DLST: variants seen among roughly 807,000 people sequenced by gnomAD.
DLST encodes dihydrolipoamide S-succinyltransferase.
Under a neutral mutation model 53.1 loss-of-function variants are expected in DLST, and 17 were observed. That is an observed-to-expected ratio of 0.32 (90% CI 0.22 to 0.48). The LOEUF is 0.48. Among genes scored for constraint, DLST ranks in the 20% least tolerant of loss-of-function variants. The pLI, the probability that DLST is intolerant of heterozygous loss-of-function variation, is 0.99. For synonymous variants in DLST, 206 were observed against 204.8 expected (o/e 1.01, Z -0.05); for missense variants, 512 against 583.9 (o/e 0.88, Z 1.27).
At chr14:74,887,703 T>C (rs1883755824) in intron 3 of DLST, among the ~76,000 whole-genome samples, 1 of 152,226 alleles carries the variant, frequency 6.6e-6, no homozygotes, top group South Asian at 2.1e-4. Flanking sequence ...TCCGGGTTCC[T>C]GGATGACTTG....
At position 74,889,365 on chromosome 14, in the gene DLST, CTAT is replaced by C. The variant is rs771776423; in HGVS notation, c.274+18_274+20del. The C allele has an allele frequency of 1.4e-5, 20 of 1,425,936 alleles. No individual in the cohort carries two copies. The highest frequency in any genetic ancestry group is 2.4e-5 in the East Asian group (1 of 41,804). The allele number at this position is 1,425,936 out of a possible 1,614,324, so 88.3% of individuals were successfully genotyped here. The stretch of plus-strand genomic sequence containing the variant: ...TGGGAGAAAGGTAAGATTTAGTTTC[CTAT>C]TTTTTTTTTTTTTTTTTTTGAGACA... On this transcript the variant is annotated intron_variant, in intron 5 of 14. Transcript: ENST00000334220.
At chr14:74,883,554 T>A (rs1883604919) in intron 2 of DLST, among the ~76,000 whole-genome samples, 1 of 151,798 alleles carries the variant, frequency 6.6e-6, no homozygotes, top group African/African-American at 2.4e-5. Context: ...CATCCATAGC[T>A]TTTTTTCTGT....
At chr14:74,893,529 C>T (rs1197648168) in intron 9 of DLST, 105 bp downstream of exon 9, 1 of 1,230,406 alleles carries the variant, frequency 8.1e-7, no homozygotes, top group Non-Finnish European at 1.2e-6. Flanking sequence ...GCAGCTCATT[C>T]CCTCAACCTT....
rs754172527 is a variant in DLST, at chr14:74,898,355, T to C, written c.771-14T>C. 2 of 1,608,750 alleles carry C rather than the reference T, an allele frequency of 1.2e-6. No homozygotes were observed. The highest frequency in any genetic ancestry group is 1.7e-6 in the Non-Finnish European group (2 of 1,178,170). ...CAGGCTTTGTGGTCAGTTTGTTTTGTAATATTTTCACAGTAACATCCAGGA... is the reference window on the plus strand; with the variant it reads ...CAGGCTTTGTGGTCAGTTTGTTTTGCAATATTTTCACAGTAACATCCAGGA... On this transcript the variant is annotated splice_polypyrimidine_tract_variant and intron_variant, in intron 10 of 14. Transcript: ENST00000334220.
intron 1 of DLST, 136 bp from the exon 2 acceptor site, chr14:74,882,443 CTGCCAGCACGGT>C: frequency 4.2e-6 from 3 of 717,466 alleles, no homozygotes; most frequent in Non-Finnish European, 4.8e-6. Context: ...TTGATTGGGT[CTGCCAGCACGGT>C]GTGTTGCATT....
In DLST at chr14:74,889,870, C is replaced by A. The variant is rs552604520; in HGVS notation, c.275-27C>A. 2.5e-6 allele frequency: 4 copies of A among 1,613,044 alleles called. No individual in the cohort carries two copies. The South Asian group carries it at 4.4e-5, about 18-fold the overall frequency. On this transcript the variant is annotated intron_variant, in intron 5 of 14. Transcript: ENST00000334220. The stretch of plus-strand genomic sequence containing the variant: ...CTGGAGGCTCCCCGCTAACAGGTAG[C>A]CTTGTAGCCTTTGATTGTCTTTTCA...
chr14:74,883,989 G>A (rs1883620669), intron 2 of DLST, among the ~76,000 whole-genome samples: 1 of 152,190 alleles, frequency 6.6e-6, no homozygotes. Context: ...TGGTTACTAC[G>A]AGAGAGGAAT....
chr14:74,884,286 T>C (rs932476250), intron 2 of DLST, among the ~76,000 whole-genome samples: 8 of 152,066 alleles, frequency 5.3e-5, no homozygotes, highest in African/African-American at 1.9e-4. Context: ...TATGAGAACA[T>C]AAAGCCCCTA....
Position 74,891,159 on chromosome 14 carries a change from A to G in DLST, c.434A>G (p.Lys145Arg). Residue 145 changes from lysine to arginine, a missense_variant, in exon 7 of 15, where the codon AAA becomes AGA. Around this residue, in one of 4 missense-constraint regions of DLST, gnomAD observed 162 missense variants for 162.0 expected, o/e 1.00. Coordinates refer to ENST00000334220, the MANE Select transcript of DLST (RefSeq NM_001933.5). ...GGCACTCCACTTTTCACACTCAGGA[A>G]AACTGGTGGTAAAGAAGTTCTCCTG... The part of the protein sequence containing the change: ...EGGTPLFTLR[K>R]TGAAPAKAKP... 1 of 1,614,164 alleles carries G rather than the reference A, an allele frequency of 6.2e-7. No individual in the cohort carries two copies. Among genetic ancestry groups the G allele is most frequent in the Non-Finnish European group, 8.5e-7 (1 of 1,179,990 alleles).
At chr14:74,891,234 G>A in intron 7 of DLST, 67 bp downstream of exon 7, 3 of 1,604,892 alleles carry the variant, frequency 1.9e-6, no homozygotes, top group East Asian at 2.2e-5. Context: ...TGAGCATAAT[G>A]TGCTAATTCC....
intron 10 of DLST, among the ~76,000 whole-genome samples, chr14:74,896,721 C>T (rs1166994603): frequency 6.6e-6 from 1 of 152,202 alleles, no homozygotes; most frequent in Non-Finnish European, 1.5e-5. Flanking sequence ...TGTTTCAGTG[C>T]ATTAGGGCCA....
chr14:74,888,660 T>C (rs987028053), intron 3 of DLST, among the ~76,000 whole-genome samples: 5 of 152,180 alleles, frequency 3.3e-5, no homozygotes, highest in Admixed American at 6.6e-5. Flanking sequence ...TGAACTATTA[T>C]CATGCTACTG....
chr14:74,894,245 G>A (rs1368813992), intron 9 of DLST, 67 bp from the exon 10 acceptor site: 4 of 1,580,198 alleles, frequency 2.5e-6, no homozygotes, highest in Non-Finnish European at 3.5e-6. Flanking sequence ...TGTTCTTTCT[G>A]ACTACACGGG....
intron 3 of DLST, among the ~76,000 whole-genome samples, chr14:74,887,290 C>T (rs1883740645): frequency 6.6e-6 from 1 of 152,022 alleles, no homozygotes; most frequent in Admixed American, 6.6e-5. Flanking sequence ...ATTCTTTTTG[C>T]TATTTCTAAT....
At chr14:74,893,644 A>G (rs1437507780) in intron 9 of DLST, among the ~76,000 whole-genome samples, 1 of 152,210 alleles carries the variant, frequency 6.6e-6, no homozygotes, top group Non-Finnish European at 1.5e-5. Context: ...TTTTCCTACT[A>G]TATTATGCTA....
rs138802576 is a variant in DLST, at chr14:74,892,746, T to C, written c.443-88T>C. ...TACCCAGTAGACATTCGTTACTTGA[T>C]TGGAGCTAGAGTTTTTGCCACTAAA... is the stretch of plus-strand genomic sequence containing the variant. On this transcript the variant is annotated intron_variant, in intron 7 of 14. Transcript: ENST00000334220. 20 of 1,347,658 alleles carry C rather than the reference T, an allele frequency of 1.5e-5. No homozygotes were observed. The East Asian group carries it at 4.4e-4, about 30-fold the overall frequency. 83.5% of individuals were successfully genotyped at this position (1,347,658 alleles called of 1,614,324 possible).
intron 1 of DLST, among the ~76,000 whole-genome samples, chr14:74,882,261 C>T (rs910533180): frequency 8.5e-5 from 13 of 152,176 alleles, no homozygotes; most frequent in Admixed American, 3.9e-4. Context: ...CCCCACCCTC[C>T]GCGCGGGAGC....
chr14:74,884,323 T>G (rs1319991161), intron 2 of DLST, among the ~76,000 whole-genome samples: 1 of 152,140 alleles, frequency 6.6e-6, no homozygotes, highest in African/African-American at 2.4e-5. Context: ...TAGTGGACTC[T>G]CAATAACAAA....
At chr14:74,882,738 G>A in intron 2 of DLST, 114 bp downstream of exon 2, 1 of 931,980 alleles carries the variant, frequency 1.1e-6, no homozygotes, top group Non-Finnish European at 1.7e-6. Context: ...TTGGTTCAGA[G>A]AGTAGTGAGA....
Sources: gnomAD v4.1 joint callset for allele counts (sites outside exome capture counted in the v4.1 genomes callset) on GRCh38, gnomAD v4.1.1 for gene constraint, gnomAD v4.1.1 regional missense constraint, MANE v1.5 for transcripts, NCBI Gene and HGNC (gene_info 2026-07-23, HGNC 2026-07-21) for gene names.